The following FAM24A variants were observed in gnomAD, a reference collection of about 807,000 sequenced individuals.
FAM24A encodes the protein family with sequence similarity 24 member A, also known as protein FAM24A.
A neutral mutation model predicts 2.8 loss-of-function variants in FAM24A; 2 were observed. That is an observed-to-expected ratio of 0.73 (90% confidence interval 0.30 to 2.28). FAM24A has a LOEUF of 2.28. Among genes scored for constraint, FAM24A ranks in the 30% most tolerant of loss-of-function variants. FAM24A has a pLI of 0.12. For synonymous variants in FAM24A, 46 were observed against 47.5 expected (o/e 0.97, Z 0.13); for missense variants, 109 against 132.0 (o/e 0.83, Z 0.85).
At chr10:122,912,161 G>GCC (rs1487097958) in intron 2 of FAM24A, among the ~76,000 whole-genome samples, 2 of 152,214 alleles carry the variant, frequency 1.3e-5, no homozygotes, top group Non-Finnish European at 2.9e-5. Flanking sequence ...GCATTAATGA[G>GCC]CCTCTGCCTT....
At chr10:122,911,390 A>G (rs1848316467) in intron 1 of FAM24A, among the ~76,000 whole-genome samples, 1 of 152,104 alleles carries the variant, frequency 6.6e-6, no homozygotes, top group South Asian at 2.1e-4. Context: ...AGAGGGAAAG[A>G]TTCTTCCCAC....
At chr10:122,912,738 G>A (rs756701809) in intron 2 of FAM24A, 24 bp from the exon 3 acceptor site, 1 of 1,595,120 alleles carries the variant, frequency 6.3e-7, no homozygotes, top group Admixed American at 1.8e-5. Flanking sequence ...TTCTAAGCCT[G>A]AGCTTTGTGT....
At position 122,910,648 on chromosome 10, in the gene FAM24A, G is replaced by A. The variant is rs1848308486; in HGVS notation, c.-174G>A. On this transcript the variant is annotated 5_prime_UTR_variant, in exon 1 of 3. Coordinates refer to ENST00000368894, the MANE Select transcript of FAM24A (RefSeq NM_001029888.3). Reference sequence around the variant, plus strand: ...TGGCTGAGCCTGAGCTTCCAAAAGTGAGCTGAGCTGTTCAACCTTGGATCT... The same window carrying A: ...TGGCTGAGCCTGAGCTTCCAAAAGTAAGCTGAGCTGTTCAACCTTGGATCT... The A allele has an allele frequency of 6.6e-6, 1 of 152,170 alleles. No homozygotes were observed. The highest frequency in any genetic ancestry group is 2.4e-5 in the African/African-American group (1 of 41,450). 9.4% of individuals were successfully genotyped at this position (152,170 alleles called of 1,614,324 possible). A position where few individuals can be genotyped will look rare whatever the true frequency, so the allele number is the denominator to read the frequency against.
Position 122,913,077 on chromosome 10 carries a change from T to G in FAM24A, c.*123T>G. 3.7e-6 allele frequency: 3 copies of G among 816,998 alleles called. No individual in the cohort carries two copies. Among genetic ancestry groups the G allele is most frequent in the Non-Finnish European group, 5.3e-6 (3 of 568,010 alleles). The allele number at this position is 816,998 out of a possible 1,614,324, so 50.6% of individuals were successfully genotyped here. On this transcript the variant is annotated 3_prime_UTR_variant, in exon 3 of 3. Coordinates refer to ENST00000368894, the MANE Select transcript of FAM24A (RefSeq NM_001029888.3). Reference sequence around the variant, plus strand: ...TTATATAATGTACAGTGTTATTTTCTGTACTTCTGAATAAATGTGCAATAT... The same window carrying G: ...TTATATAATGTACAGTGTTATTTTCGGTACTTCTGAATAAATGTGCAATAT...
In FAM24A at chr10:122,911,765, T is replaced by A. The variant is rs751655065; in HGVS notation, c.125+6T>A. On this transcript the variant is annotated splice_donor_region_variant and intron_variant, in intron 2 of 2. Transcript: ENST00000368894. ...AAAGTAGCTAAGGCACTAAAGTGAG[T>A]CATGTGGGGGAAAATGAATTACACC... 1 of 1,613,842 alleles carries A rather than the reference T, an allele frequency of 6.2e-7. No homozygotes were observed. The highest frequency in any genetic ancestry group is 1.3e-5 in the African/African-American group (1 of 74,980).
At position 122,911,700 on chromosome 10, in the gene FAM24A, C is replaced by T. The variant is rs780133848; in HGVS notation, c.66C>T (p.Ala22=). Residue 22 remains alanine (A), a synonymous_variant, in exon 2 of 3, where the codon GCC becomes GCT. Coordinates refer to ENST00000368894, the MANE Select transcript of FAM24A (RefSeq NM_001029888.3). ...GCATCGGAAGCAGCTTACTGGTTGC[C>T]GCGATGGTGCTCCTAAGTGTTGTGT... ...MIGIGSSLLV[A]AMVLLSVVFC... 2.6e-5 allele frequency: 42 copies of T among 1,614,006 alleles called. No individual in the cohort carries two copies. Among genetic ancestry groups the T allele is most frequent in the East Asian group, 1.8e-4 (8 of 44,884 alleles).
chr10:122,912,432 G>A (rs560535372), intron 2 of FAM24A, among the ~76,000 whole-genome samples: 60 of 151,820 alleles, frequency 4.0e-4, no homozygotes, highest in Non-Finnish European at 7.9e-4. Flanking sequence ...CATTCTAAGG[G>A]GTTCACAGAG....
intron 2 of FAM24A, among the ~76,000 whole-genome samples, chr10:122,912,010 T>G (rs1292045111): frequency 6.6e-6 from 1 of 152,212 alleles, no homozygotes; most frequent in Admixed American, 6.5e-5. Flanking sequence ...TGGACCTCAA[T>G]GAGTTTACCA....
At position 122,911,345 on chromosome 10, in the gene FAM24A, C is replaced by G. The variant is rs150651787; in HGVS notation, c.-2-288C>G. 7.9e-3 allele frequency among the ~76,000 whole-genome samples: 1,209 copies of G among 152,232 alleles called. 16 individuals carry two copies. The highest frequency in any genetic ancestry group is 0.028 in the African/African-American group (1,147 of 41,524). On this transcript the variant is annotated intron_variant, in intron 1 of 2. Coordinates refer to ENST00000368894, the MANE Select transcript of FAM24A (RefSeq NM_001029888.3). ...GTGAAGTCATCAGCTCCAAGGCAGG[C>G]CTGTGGTCATTTCCAGCTGCACATC...
At chr10:122,912,679 A>T (rs2133858791) in intron 2 of FAM24A, 83 bp from the exon 3 acceptor site, 1 of 1,389,952 alleles carries the variant, frequency 7.2e-7, no homozygotes, top group South Asian at 1.4e-5. Context: ...TCAGCACTAA[A>T]CTTCCCAGAT....
At position 122,911,705 on chromosome 10, in the gene FAM24A, T is replaced by C. The variant is rs1368806523; in HGVS notation, c.71T>C (p.Met24Thr). 2 of 1,614,064 alleles carry C rather than the reference T, an allele frequency of 1.2e-6. No homozygotes were observed. The highest frequency in any genetic ancestry group is 2.7e-5 in the African/African-American group (2 of 74,926). Residue 24 changes from methionine (M) to threonine (T), a missense_variant, in exon 2 of 3, where the codon ATG (methionine) becomes ACG (threonine). By Grantham distance (81) the Met-to-Thr change is moderately conservative. Coordinates refer to ENST00000368894, the MANE Select transcript of FAM24A (RefSeq NM_001029888.3). ...GGAAGCAGCTTACTGGTTGCCGCGA[T>C]GGTGCTCCTAAGTGTTGTGTTCTGT... is the stretch of plus-strand genomic sequence containing the variant. ...GIGSSLLVAA[M>T]VLLSVVFCLY... is the part of the protein sequence containing the mutation.
intron 2 of FAM24A, among the ~76,000 whole-genome samples, chr10:122,912,422 C>T (rs1848328537): frequency 6.6e-6 from 1 of 151,844 alleles, no homozygotes; most frequent in South Asian, 2.1e-4. Flanking sequence ...AGACACAGTC[C>T]ATTCTAAGGG....
chr10:122,911,502 A>T, intron 1 of FAM24A, 131 bp from the exon 2 acceptor site: 1 of 1,365,332 alleles, frequency 7.3e-7, no homozygotes, highest in Non-Finnish European at 1.0e-6. Context: ...TTAGGATCCT[A>T]GGACTCTCTG....
chr10:122,911,673 C>G lies in FAM24A; in HGVS notation c.39C>G (p.Ile13Met). ...TTGATCTCAGGACGAAGATCATGAT[C>G]GGCATCGGAAGCAGCTTACTGGTTG... Reference protein sequence around the residue: ...KMFDLRTKIMIGIGSSLLVAA... With the variant: ...KMFDLRTKIMMGIGSSLLVAA... Residue 13 changes from isoleucine to methionine, a missense_variant, in exon 2 of 3, where the codon ATC (isoleucine) becomes ATG (methionine). Ile to Met is a conservative substitution (Grantham distance 10, BLOSUM62 1). Transcript: ENST00000368894. 1 of 1,614,126 alleles carries G rather than the reference C, an allele frequency of 6.2e-7. No homozygotes were observed. The highest frequency in any genetic ancestry group is 8.5e-7 in the Non-Finnish European group (1 of 1,180,032).
At chr10:122,912,722 G>T (rs1035041118) in intron 2 of FAM24A, 40 bp from the exon 3 acceptor site, 3 of 1,573,444 alleles carry the variant, frequency 1.9e-6, no homozygotes, top group Middle Eastern at 3.4e-4. Flanking sequence ...GGACTGAGAA[G>T]AAAAATTCTA....
At position 122,911,764 on chromosome 10, in the gene FAM24A, G is replaced by T; in HGVS notation, c.125+5G>T. On this transcript the variant is annotated splice_donor_5th_base_variant and intron_variant, in intron 2 of 2. Coordinates refer to ENST00000368894, the MANE Select transcript of FAM24A (RefSeq NM_001029888.3). ...CAAAGTAGCTAAGGCACTAAAGTGA[G>T]TCATGTGGGGGAAAATGAATTACAC... 6.2e-7 allele frequency: 1 copy of T among 1,614,004 alleles called. No homozygotes were observed. The highest frequency in any genetic ancestry group is 1.1e-5 in the South Asian group (1 of 91,058).
At chr10:122,912,719 G>C (rs1848331308) in intron 2 of FAM24A, 43 bp from the exon 3 acceptor site, 1 of 1,567,012 alleles carries the variant, frequency 6.4e-7, no homozygotes, top group Admixed American at 1.9e-5. Context: ...AATGGACTGA[G>C]AAGAAAAATT....
At chr10:122,911,013 C>T (rs1848313347) in intron 1 of FAM24A, among the ~76,000 whole-genome samples, 194 bp downstream of exon 1, 1 of 152,134 alleles carries the variant, frequency 6.6e-6, no homozygotes, top group Non-Finnish European at 1.5e-5. Flanking sequence ...ACAGGGGCTC[C>T]TGAATAAGCT....
At chr10:122,911,809 G>T in intron 2 of FAM24A, 50 bp downstream of exon 2, 1 of 1,608,470 alleles carries the variant, frequency 6.2e-7, no homozygotes, top group Non-Finnish European at 8.5e-7. Context: ...TGGGATACCT[G>T]GACTCCCTAT....
Sources: gnomAD v4.1 joint callset for allele counts (sites outside exome capture counted in the v4.1 genomes callset) on GRCh38, gnomAD v4.1.1 for gene constraint, MANE v1.5 for transcripts, NCBI Gene and HGNC (gene_info 2026-07-23, HGNC 2026-07-21) for gene names.